The following HEATR5B variants were observed in gnomAD, a reference collection of about 807,000 sequenced individuals.
The protein encoded by HEATR5B is HEAT repeat containing 5B, also known as HEAT repeat-containing protein 5B.
A neutral mutation model predicts 224.1 loss-of-function variants in HEATR5B; 156 were observed. The ratio of observed to expected loss-of-function variants is 0.70; its 90% CI spans 0.61 to 0.80. HEATR5B has a LOEUF of 0.80. Ranked by LOEUF, HEATR5B falls within the 30% of genes least tolerant of loss-of-function variation. The pLI, the probability that HEATR5B is intolerant of heterozygous loss-of-function variation, is 0.00. For missense variants in HEATR5B, 2,323 were observed against 2,535.5 expected, an observed-to-expected ratio of 0.92 and a Z score of 1.80; for synonymous variants, 1,027 against 893.0, an observed-to-expected ratio of 1.15 and a Z score of -2.68.
chr2:37,028,364 T>C (rs2148461313), intron 23 of HEATR5B, among the ~76,000 whole-genome samples, 190 bp from the exon 24 acceptor site: 1 of 152,292 alleles, frequency 6.6e-6, no homozygotes, highest in South Asian at 2.1e-4. Flanking sequence ...ATTACTTTTA[T>C]GTAAACTACA....
intron 31 of HEATR5B, 128 bp from the exon 32 acceptor site, chr2:37,002,700 C>T (rs775968677): frequency 3.4e-6 from 3 of 891,188 alleles, no homozygotes; most frequent in Non-Finnish European, 5.0e-6. Context: ...ACGTCCTTCT[C>T]TGTATAATTC....
At position 37,077,004 on chromosome 2, in the gene HEATR5B, A is replaced by G; in HGVS notation, c.354T>C (p.Cys118=). 18 of 1,614,006 alleles carry G rather than the reference A, an allele frequency of 1.1e-5. No individual in the cohort carries two copies. Among genetic ancestry groups the G allele is most frequent in the Non-Finnish European group, 1.5e-5 (18 of 1,179,852 alleles). ...CCATTTTTTCATAAAATGCTCCGAC[A>G]CAAGCCACCGCAGCCCTGTAAGAAG... is the stretch of plus-strand genomic sequence containing the variant. ...YLPTKLAAVA[C]VGAFYEKMGR... The change falls in exon 4 of 36, where the codon TGT becomes TGC. Residue 118 remains cysteine, a synonymous_variant. Coordinates refer to ENST00000233099, the MANE Select transcript of HEATR5B (RefSeq NM_019024.3).
At chr2:37,066,925 G>A (rs958998900) in intron 8 of HEATR5B, among the ~76,000 whole-genome samples, 7 of 151,542 alleles carry the variant, frequency 4.6e-5, no homozygotes, top group Non-Finnish European at 7.4e-5. Flanking sequence ...GCTGGAGTGC[G>A]GTGGTGCCAT....
chr2:37,026,628 G>A (rs1483887688), intron 24 of HEATR5B, among the ~76,000 whole-genome samples: 3 of 152,116 alleles, frequency 2.0e-5, no homozygotes, highest in Admixed American at 6.6e-5. Context: ...TTCTTCCAGG[G>A]TATGGACTAT....
intron 22 of HEATR5B, among the ~76,000 whole-genome samples, chr2:37,029,858 G>C (rs1342613402): frequency 2.0e-5 from 3 of 151,970 alleles, no homozygotes; most frequent in Non-Finnish European, 2.9e-5. Flanking sequence ...AGAATGGCTT[G>C]AACCTGGGAG....
At chr2:37,031,793 T>A (rs961039761) in intron 22 of HEATR5B, among the ~76,000 whole-genome samples, 1 of 152,186 alleles carries the variant, frequency 6.6e-6, no homozygotes, top group Non-Finnish European at 1.5e-5. Context: ...AAAACTTTTA[T>A]AAGTAAAAAA....
chr2:37,057,410 A>C lies in HEATR5B; in HGVS notation c.2130T>G (p.Thr710=). The C allele has an allele frequency of 6.2e-7, 1 of 1,611,836 alleles. No homozygotes were observed. Among genetic ancestry groups the C allele is most frequent in the East Asian group, 2.2e-5 (1 of 44,708 alleles). ...GGCAGAGGGATCTGAGGAGGGAAGT[A>C]GTTGTGTTGGCTGAGTTGTCAGTCA... The part of the protein sequence containing the change: ...FTLTDNSANT[T]TSLLRSLCHY... The change falls in exon 15 of 36, where the codon ACT becomes ACG. Residue 710 remains threonine, a synonymous_variant. Coordinates refer to ENST00000233099, the MANE Select transcript of HEATR5B (RefSeq NM_019024.3).
rs1257662324 is a variant in HEATR5B, at chr2:37,068,662, T to C, written c.1177+19A>G. The C allele has an allele frequency of 6.2e-7, 1 of 1,613,002 alleles. No individual in the cohort carries two copies. The highest frequency in any genetic ancestry group is 8.5e-7 in the Non-Finnish European group (1 of 1,179,512). On this transcript the variant is annotated intron_variant, in intron 8 of 35. Coordinates refer to ENST00000233099, the MANE Select transcript of HEATR5B (RefSeq NM_019024.3). ...AAATGACTAAGGTAATCAACACACA[T>C]AATGATACTGATTCTTACCTACGGC...
At chr2:36,990,228 C>T (rs1004391610) in intron 34 of HEATR5B, among the ~76,000 whole-genome samples, 5 of 152,046 alleles carry the variant, frequency 3.3e-5, no homozygotes, top group South Asian at 2.1e-4. Flanking sequence ...AAATTTCTGA[C>T]GTGTAGCAGG....
Position 37,065,902 on chromosome 2 carries a change from C to T in HEATR5B, c.1186G>A (p.Val396Met). ...TTGTTTTCTCCACTTGTGTCATTCA[C>T]TACTGCTTCTGGAAACACAAAATCA... is the stretch of plus-strand genomic sequence containing the variant. The part of the protein sequence containing the change: ...GKQMKAVEAV[V>M]NDTSGENKSG... Residue 396 changes from valine to methionine, a missense_variant, in exon 9 of 36, where the codon GTG (valine) becomes ATG (methionine). Physicochemically the swap from Val to Met is conservative, Grantham distance 21. Coordinates refer to ENST00000233099, the MANE Select transcript of HEATR5B (RefSeq NM_019024.3). The T allele has an allele frequency of 5.0e-6, 8 of 1,604,694 alleles. No individual in the cohort carries two copies. The highest frequency in any genetic ancestry group is 6.8e-6 in the Non-Finnish European group (8 of 1,173,104).
chr2:37,021,886 C>CAA (rs3080799), intron 24 of HEATR5B, among the ~76,000 whole-genome samples: 1 of 126,484 alleles, frequency 7.9e-6, no homozygotes, highest in African/African-American at 2.9e-5. Context: ...GACCCTGTTT[C>CAA]AAAAAAAAAA....
chr2:37,052,642 T>C (rs1670632868), intron 17 of HEATR5B, among the ~76,000 whole-genome samples: 2 of 152,238 alleles, frequency 1.3e-5, no homozygotes, highest in Non-Finnish European at 2.9e-5. Context: ...ATATCCAAAT[T>C]GCCAGAATCA....
chr2:36,990,165 G>C (rs958424049), intron 34 of HEATR5B, among the ~76,000 whole-genome samples: 1 of 152,064 alleles, frequency 6.6e-6, no homozygotes, highest in Non-Finnish European at 1.5e-5. Context: ...TAAGTGCTGG[G>C]ATTACAGGCG....
chr2:37,060,556 G>A, intron 12 of HEATR5B, 25 bp downstream of exon 12: 2 of 1,565,410 alleles, frequency 1.3e-6, no homozygotes, highest in African/African-American at 2.7e-5. Context: ...ATAATATTGT[G>A]AAGCACAATC....
chr2:37,050,688 T>C lies in HEATR5B; in HGVS notation c.2506-845A>G, dbSNP rs111445299. On this transcript the variant is annotated intron_variant, in intron 17 of 35. Coordinates refer to ENST00000233099, the MANE Select transcript of HEATR5B (RefSeq NM_019024.3). ...GATGAATATGAAACTGAATAGTTTA[T>C]ATAAAAATTTCACAGAAGACAATTA... Among the ~76,000 whole-genome samples the C allele has an allele frequency of 9.4e-3, 1,437 of 152,318 alleles. 19 individuals carry two copies. The highest frequency in any genetic ancestry group is 0.031 in the African/African-American group (1,276 of 41,582).
chr2:37,060,797 G>T, intron 11 of HEATR5B, 64 bp from the exon 12 acceptor site: 1 of 1,361,248 alleles, frequency 7.3e-7, no homozygotes, highest in Non-Finnish European at 1.0e-6. Context: ...CAAGTGTCAA[G>T]CAAAATGAGC....
intron 26 of HEATR5B, among the ~76,000 whole-genome samples, chr2:37,017,746 GATTTT>G: frequency 6.6e-6 from 1 of 150,938 alleles, no homozygotes; most frequent in South Asian, 2.1e-4. Flanking sequence ...ATGCATTATG[GATTTT>G]GTTTATGAAG....
At position 37,007,138 on chromosome 2, in the gene HEATR5B, T is replaced by C. The variant is rs530913041; in HGVS notation, c.4689A>G (p.Thr1563=). Residue 1563 remains threonine, a synonymous_variant, in exon 29 of 36, where the codon ACA becomes ACG. Coordinates refer to ENST00000233099, the MANE Select transcript of HEATR5B (RefSeq NM_019024.3). ...AAISGLQKRS[T]SVNLNQASGA... is the part of the protein sequence containing the mutation. ...CTGATGCCTGGTTTAAATTGACAGA[T>C]GTAGAACGTTTTTGTAAACCAGATA... is the stretch of plus-strand genomic sequence containing the variant. The C allele has an allele frequency of 2.8e-5, 45 of 1,614,112 alleles. No individual in the cohort carries two copies. The African/African-American group carries it at 5.1e-4, about 18-fold the overall frequency.
intron 6 of HEATR5B, 121 bp from the exon 7 acceptor site, chr2:37,070,508 T>C (rs1017184739): frequency 1.2e-5 from 9 of 755,370 alleles, no homozygotes; most frequent in African/African-American, 1.1e-4. Context: ...AGTTTCCTTA[T>C]AATTGTTTTC....
Sources: gnomAD v4.1 joint callset for allele counts (sites outside exome capture counted in the v4.1 genomes callset) on GRCh38, gnomAD v4.1.1 for gene constraint, MANE v1.5 for transcripts, NCBI Gene and HGNC (gene_info 2026-07-23, HGNC 2026-07-21) for gene names.